KLF12: variants seen among roughly 807,000 people sequenced by gnomAD.
KLF12 encodes the protein Krueppel-like factor 12.
Under a neutral mutation model 37.8 loss-of-function variants are expected in KLF12, and 9 were observed. The observed-to-expected ratio is 0.24, with a 90% CI of 0.14 to 0.42. The LOEUF is 0.42. Among genes scored for constraint, KLF12 ranks in the 10% least tolerant of loss-of-function variants. KLF12 has a pLI of 1.00. For synonymous variants in KLF12, 208 were observed against 202.1 expected, an observed-to-expected ratio of 1.03 and a Z score of -0.25; for missense variants, 411 against 516.0, an observed-to-expected ratio of 0.80 and a Z score of 1.97.
the KLF12 span, among the ~76,000 whole-genome samples, chr13:74,283,753 T>A: frequency 1.3e-5 from 2 of 152,246 alleles, no homozygotes; most frequent in African/African-American, 4.8e-5. Flanking sequence ...TTATGAACTC[T>A]TAAAGAATTA....
chr13:73,905,204 T>C (rs1164033515), intron 3 of KLF12, among the ~76,000 whole-genome samples: 1 of 152,192 alleles, frequency 6.6e-6, no homozygotes, highest in Non-Finnish European at 1.5e-5. Flanking sequence ...GAAGGACCTA[T>C]TCATTACTCA....
chr13:74,282,139 G>A, the KLF12 span, among the ~76,000 whole-genome samples: 1 of 152,124 alleles, frequency 6.6e-6, no homozygotes, highest in Non-Finnish European at 1.5e-5. Flanking sequence ...GTTTCTAGTG[G>A]CAACAAGCTC....
At chr13:74,179,873 G>A in the KLF12 span, among the ~76,000 whole-genome samples, 1 of 152,180 alleles carries the variant, frequency 6.6e-6, no homozygotes, top group Admixed American at 6.5e-5. Flanking sequence ...TCGACATCTG[G>A]TAATTTTGAA....
the KLF12 span, among the ~76,000 whole-genome samples, chr13:74,209,674 G>T: frequency 6.6e-6 from 1 of 152,112 alleles, no homozygotes; most frequent in Admixed American, 6.6e-5. Context: ...AAGGATTGTA[G>T]GTTGTTCATT....
At chr13:73,920,190 G>C (rs1336630684) in intron 3 of KLF12, among the ~76,000 whole-genome samples, 1 of 152,118 alleles carries the variant, frequency 6.6e-6, no homozygotes, top group African/African-American at 2.4e-5. Context: ...CATACTTCAT[G>C]TATAAATTAC....
chr13:73,833,625 T>G (rs190636176), intron 4 of KLF12, among the ~76,000 whole-genome samples: 85 of 152,198 alleles, frequency 5.6e-4, no homozygotes, highest in Non-Finnish European at 9.6e-4. Flanking sequence ...TGCCTTACAA[T>G]TTGGTATGTA....
the KLF12 span, among the ~76,000 whole-genome samples, chr13:74,254,275 A>G: frequency 6.6e-6 from 1 of 152,182 alleles, no homozygotes; most frequent in Admixed American, 6.5e-5. Flanking sequence ...AGGCCATGAG[A>G]CAGAAAATGA....
At chr13:73,712,073 T>G (rs1859516820) in intron 7 of KLF12, among the ~76,000 whole-genome samples, 1 of 152,132 alleles carries the variant, frequency 6.6e-6, no homozygotes, top group Non-Finnish European at 1.5e-5. Flanking sequence ...GCGCGGTGGC[T>G]CACGCCTGTA....
chr13:73,983,193 A>G (rs879678094), intron 2 of KLF12, among the ~76,000 whole-genome samples: 14 of 152,098 alleles, frequency 9.2e-5, no homozygotes, highest in Admixed American at 3.9e-4. Flanking sequence ...AGGGTTTCCT[A>G]GTCCTGTACT....
chr13:74,150,466 C>T, the KLF12 span, among the ~76,000 whole-genome samples: 1 of 152,192 alleles, frequency 6.6e-6, no homozygotes, highest in Admixed American at 6.5e-5. Flanking sequence ...CTATTCATGA[C>T]CTGTGGCTGT....
At chr13:74,015,305 C>G (rs1892659358) in intron 1 of KLF12, among the ~76,000 whole-genome samples, 1 of 152,118 alleles carries the variant, frequency 6.6e-6, no homozygotes, top group African/African-American at 2.4e-5. Flanking sequence ...TTGGTGAGCA[C>G]AGGGTACCAT....
At chr13:73,790,979 T>G (rs937859034) in intron 5 of KLF12, among the ~76,000 whole-genome samples, 18 of 152,348 alleles carry the variant, frequency 1.2e-4, no homozygotes, top group Admixed American at 1.2e-3. Context: ...ATTTTTCTAG[T>G]CTGATCTTGA....
intron 1 of KLF12, among the ~76,000 whole-genome samples, chr13:74,048,745 A>G (rs1593856904): frequency 6.6e-6 from 1 of 152,236 alleles, no homozygotes; most frequent in Non-Finnish European, 1.5e-5. Flanking sequence ...TAAAGAAAAC[A>G]GACTGATTAT....
intron 4 of KLF12, among the ~76,000 whole-genome samples, chr13:73,838,382 CT>C: frequency 6.6e-6 from 1 of 152,216 alleles, no homozygotes; most frequent in African/African-American, 2.4e-5. Flanking sequence ...TTGGAGGATT[CT>C]TCACCGTGTG....
At chr13:74,132,499 A>C (rs1374744393) in intron 1 of KLF12, among the ~76,000 whole-genome samples, 1 of 152,212 alleles carries the variant, frequency 6.6e-6, no homozygotes, top group Non-Finnish European at 1.5e-5. Flanking sequence ...GAATTCCATT[A>C]GCCAGTGGAA....
the KLF12 span, among the ~76,000 whole-genome samples, chr13:74,280,601 T>A: frequency 6.6e-6 from 1 of 152,172 alleles, no homozygotes; most frequent in African/African-American, 2.4e-5. Context: ...CAAAACATGA[T>A]CTCTGGTCAC....
intron 7 of KLF12, among the ~76,000 whole-genome samples, chr13:73,699,158 C>G (rs1474252046): frequency 6.6e-6 from 1 of 151,546 alleles, no homozygotes; most frequent in Non-Finnish European, 1.5e-5. Flanking sequence ...GCCAGGAGTT[C>G]GAGATCATCC....
At chr13:74,037,166 G>A (rs970052647) in intron 1 of KLF12, among the ~76,000 whole-genome samples, 3 of 142,128 alleles carry the variant, frequency 2.1e-5, no homozygotes, top group Non-Finnish European at 3.0e-5. Flanking sequence ...TCACGCCATT[G>A]CACTCCAGCC....
chr13:74,233,716 G>T, the KLF12 span, among the ~76,000 whole-genome samples: 1 of 151,856 alleles, frequency 6.6e-6, no homozygotes, highest in East Asian at 1.9e-4. Context: ...AAGAGCAGAG[G>T]GTCTTTTATA....
Sources: allele counts gnomAD v4.1 joint callset (sites outside exome capture counted in the v4.1 genomes callset), GRCh38; gene constraint gnomAD v4.1.1; transcripts MANE v1.5; gene names NCBI Gene and HGNC (gene_info 2026-07-23, HGNC 2026-07-21).